The following ETS2 variants were observed in gnomAD, a reference collection of about 807,000 sequenced individuals.
The protein encoded by ETS2 is ETS proto-oncogene 2, transcription factor.
A neutral mutation model predicts 54.9 loss-of-function variants in ETS2; 19 were observed. The observed-to-expected ratio is 0.35, with a 90% CI of 0.24 to 0.51. The LOEUF (loss-of-function observed/expected upper bound fraction) is 0.51, where lower values mean the gene tolerates loss of function less well. Ranked by LOEUF, ETS2 falls within the 20% of genes least tolerant of loss-of-function variation. The pLI is 0.97. For missense variants in ETS2, 417 were observed against 593.0 expected (o/e 0.70, Z 3.08); for synonymous variants, 219 against 229.3 (o/e 0.95, Z 0.41).
chr21:38,810,166 GA>G (rs1276564293), intron 2 of ETS2, 60 bp downstream of exon 2: 62 of 1,021,904 alleles, frequency 6.1e-5, no homozygotes, highest in East Asian at 2.3e-4. Context: ...TAGGAGGAAA[GA>G]AAAAAAAGGC....
intron 1 of ETS2, chr21:38,809,560 G>A: frequency 6.5e-6 from 1 of 153,532 alleles, no homozygotes; most frequent in Non-Finnish European, 1.5e-5. Context: ...CTCCTTTCCT[G>A]TCTCTAGAAA....
At chr21:38,819,443 G>T in intron 7 of ETS2, 60 bp from the exon 8 acceptor site, 1 of 1,535,698 alleles carries the variant, frequency 6.5e-7, no homozygotes, top group Non-Finnish European at 9.0e-7. Flanking sequence ...TGCTATGGTC[G>T]TGCCCAAGAC....
chr21:38,814,851 G>A lies in ETS2; in HGVS notation c.375G>A (p.Val125=), dbSNP rs1329232033. 6.2e-7 allele frequency: 1 copy of A among 1,614,210 alleles called. No individual in the cohort carries two copies. The highest frequency in any genetic ancestry group is 8.5e-7 in the Non-Finnish European group (1 of 1,180,032). The change falls in exon 5 of 10, where the codon GTG becomes GTA. Residue 125 remains valine (V), a synonymous_variant. Coordinates refer to ENST00000360938, the MANE Select transcript of ETS2 (RefSeq NM_005239.6). The surrounding 1 kb of genome is among the most constrained non-coding windows in gnomAD (Gnocchi z 4.2). ...LLWATNEFSL[V]NVNLQRFGMN... Reference sequence around the variant, plus strand: ...GGGCCACCAATGAGTTCAGTCTGGTGAACGTGAATCTGCAGAGGTTCGGCA... The same window carrying A: ...GGGCCACCAATGAGTTCAGTCTGGTAAACGTGAATCTGCAGAGGTTCGGCA...
In ETS2 at chr21:38,821,733, G is replaced by A. The variant is rs1042324701; in HGVS notation, c.1194+29G>A. The A allele has an allele frequency of 5.2e-6, 8 of 1,526,714 alleles. No individual in the cohort carries two copies. The highest frequency in any genetic ancestry group is 7.3e-6 in the Non-Finnish European group (8 of 1,102,464). The allele number at this position is 1,526,714 out of a possible 1,614,324, so 94.6% of individuals were successfully genotyped here. A position where few individuals can be genotyped will look rare whatever the true frequency, so the allele number is the denominator to read the frequency against. ...TGGCCAGAGCCCTGGGAAATCTCTG[G>A]GCTTGAAAACCTGATTTCCTGCTTG... On this transcript the variant is annotated intron_variant, in intron 9 of 9. Transcript: ENST00000360938. The surrounding 1 kb of genome is among the most constrained non-coding windows in gnomAD (Gnocchi z 4.2).
rs368890928 is a variant in ETS2 at position 38,812,959 on chromosome 21, G to A, written c.73-44G>A. 1.2e-3 allele frequency: 1,585 copies of A among 1,342,660 alleles called. 6 individuals are homozygous for A. Among genetic ancestry groups the A allele is most frequent in the South Asian group, 4.8e-3 (409 of 85,570 alleles). 83.2% of individuals were successfully genotyped at this position (1,342,660 alleles called of 1,614,324 possible). A position where few individuals can be genotyped will look rare whatever the true frequency, so the allele number is the denominator to read the frequency against. ...ACTTTTACAACAGGTAATTCAATCAGTTTAAATATTGTATTTCCATTTTTT... is the reference window on the plus strand; with the variant it reads ...ACTTTTACAACAGGTAATTCAATCAATTTAAATATTGTATTTCCATTTTTT... On this transcript the variant is annotated intron_variant, in intron 2 of 9. Coordinates refer to ENST00000360938, the MANE Select transcript of ETS2 (RefSeq NM_005239.6).
In ETS2 at chr21:38,819,172, A is replaced by G. The variant is rs76772522; in HGVS notation, c.812-331A>G. 3.2e-3 allele frequency among the ~76,000 whole-genome samples: 488 copies of G among 152,336 alleles called. 3 individuals are homozygous for G. The highest frequency in any genetic ancestry group is 0.011 in the African/African-American group (461 of 41,572). On this transcript the variant is annotated intron_variant, in intron 7 of 9. Transcript: ENST00000360938. ...TTGAACTTTACATAGATGGAATCAT[A>G]AGGCATGTTTTCTTTTGTGTTTGTC...
intron 1 of ETS2, among the ~76,000 whole-genome samples, chr21:38,808,152 G>A (rs187257185): frequency 3.9e-5 from 6 of 152,226 alleles, no homozygotes; most frequent in African/African-American, 1.2e-4. Flanking sequence ...TTTGCCCTGC[G>A]GTGGCCCCTC....
At chr21:38,807,963 CAT>C (rs2060899790) in intron 1 of ETS2, among the ~76,000 whole-genome samples, 1 of 152,158 alleles carries the variant, frequency 6.6e-6, no homozygotes, top group Non-Finnish European at 1.5e-5. Context: ...AGAGAAATGA[CAT>C]AAAGCTCTAG....
chr21:38,808,476 TGACC>T (rs1346318833), intron 1 of ETS2, among the ~76,000 whole-genome samples: 3 of 152,184 alleles, frequency 2.0e-5, no homozygotes, highest in Non-Finnish European at 4.4e-5. Context: ...TTGCCAGTGC[TGACC>T]AGCCTTTGTT....
chr21:38,809,780 C>T (rs2060906902), intron 1 of ETS2: 1 of 341,360 alleles, frequency 2.9e-6, no homozygotes, highest in South Asian at 3.8e-5. Flanking sequence ...TTTTCTGTGA[C>T]ATCTAAGTGG....
At chr21:38,817,512 C>G (rs531522332) in intron 6 of ETS2, among the ~76,000 whole-genome samples, 3 of 152,320 alleles carry the variant, frequency 2.0e-5, no homozygotes, top group African/African-American at 7.2e-5. Context: ...ACTGTTAGTG[C>G]TAGTCCAGGC....
chr21:38,819,704 G>T lies in ETS2; in HGVS notation c.1013G>T (p.Arg338Met). The T allele has an allele frequency of 1.2e-6, 2 of 1,614,096 alleles. No homozygotes were observed. Among genetic ancestry groups the T allele is most frequent in the Non-Finnish European group, 1.7e-6 (2 of 1,179,986 alleles). Residue 338 changes from arginine (R) to methionine (M), a missense_variant, in exon 8 of 10, where the codon AGG (arginine) becomes ATG (methionine). Transcript: ENST00000360938. ...TCTTTCAAGGATTACATCCAAGAGA[G>T]GAGTGACCCAGTGGAGCAAGGCAAA... Reference protein sequence around the residue: ...TMSFKDYIQERSDPVEQGKPV... With the variant: ...TMSFKDYIQEMSDPVEQGKPV...
intron 2 of ETS2, among the ~76,000 whole-genome samples, chr21:38,812,317 C>A (rs144954560): frequency 1.6e-3 from 243 of 152,324 alleles, no homozygotes; most frequent in Non-Finnish European, 2.4e-3. Flanking sequence ...TTGAATTTTT[C>A]TCAATGTAAC....
intron 2 of ETS2, among the ~76,000 whole-genome samples, chr21:38,811,088 G>A (rs1012717648): frequency 6.6e-6 from 1 of 151,896 alleles, no homozygotes; most frequent in African/African-American, 2.4e-5. Context: ...ATAATTTGAC[G>A]ATGCTTATGC....
rs2060894319 is a variant in ETS2, at chr21:38,806,610, C to T, written c.-1+490C>T. 1.7e-5 allele frequency: 17 copies of T among 985,272 alleles called. No individual in the cohort carries two copies. The highest frequency in any genetic ancestry group is 2.0e-5 in the Non-Finnish European group (17 of 829,920). The allele number at this position is 985,272 out of a possible 1,614,324, so 61.0% of individuals were successfully genotyped here. A position where few individuals can be genotyped will look rare whatever the true frequency, so the allele number is the denominator to read the frequency against. On this transcript the variant is annotated intron_variant, in intron 1 of 9. Coordinates refer to ENST00000360938, the MANE Select transcript of ETS2 (RefSeq NM_005239.6). This position sits in a 1 kb window ranked among gnomAD's most constrained non-coding sequence, Gnocchi z 4.3. ...GGCGCCGGGCCCGGAGGATCTGGGG[C>T]GCCCAAGACACCTGAAGGCTGCGGC...
chr21:38,822,607 G>A (rs2060962595), intron 9 of ETS2, 67 bp from the exon 10 acceptor site: 4 of 1,341,880 alleles, frequency 3.0e-6, no homozygotes, highest in Non-Finnish European at 4.2e-6. Context: ...AATCAGGGAG[G>A]AATGTCATTC....
intron 5 of ETS2, among the ~76,000 whole-genome samples, chr21:38,815,383 C>T (rs755399656): frequency 1.7e-4 from 26 of 152,092 alleles, no homozygotes; most frequent in African/African-American, 2.7e-4. Flanking sequence ...AAGGGGGGAG[C>T]CTTTACTCAC....
rs2060949122 is a variant in ETS2 at position 38,819,564 on chromosome 21, C to T, written c.873C>T (p.Ser291=). 1 of 1,614,164 alleles carries T rather than the reference C, an allele frequency of 6.2e-7. No homozygotes were observed. The highest frequency in any genetic ancestry group is 8.5e-7 in the Non-Finnish European group (1 of 1,180,010). The change falls in exon 8 of 10, where the codon TCC becomes TCT. Residue 291 remains serine, a synonymous_variant. Transcript: ENST00000360938. ...CGGACAGCTTCGAGAGCTCAGACTC[C>T]CTCCTCCAGTCCTGGAACAGCCAGT... The part of the protein sequence containing the change: ...NGADSFESSD[S]LLQSWNSQSS...
intron 1 of ETS2, among the ~76,000 whole-genome samples, chr21:38,807,040 C>A (rs1365136358): frequency 6.6e-6 from 1 of 152,162 alleles, no homozygotes; most frequent in African/African-American, 2.4e-5. Context: ...ACAATGGAAG[C>A]GCCTGTGCGT....
Sources: gnomAD v4.1 joint callset for allele counts (sites outside exome capture counted in the v4.1 genomes callset) on GRCh38, gnomAD v4.1.1 for gene constraint, Gnocchi (gnomAD v3.1) non-coding constraint, MANE v1.5 for transcripts, NCBI Gene and HGNC (gene_info 2026-07-23, HGNC 2026-07-21) for gene names.